The following AKAP6 variants were observed in gnomAD, a reference collection of about 807,000 sequenced individuals.
The protein encoded by AKAP6 is A-kinase anchor protein 6.
In AKAP6, 58 loss-of-function variants were observed where a neutral mutation model predicts 188.5. The observed-to-expected ratio is 0.31, with a 90% CI of 0.25 to 0.38. The LOEUF (loss-of-function observed/expected upper bound fraction) is 0.38. Ranked by LOEUF, AKAP6 falls within the 10% of genes least tolerant of loss-of-function variation. AKAP6 has a pLI of 1.00. For missense variants in AKAP6, 2,710 were observed against 2,740.0 expected, an observed-to-expected ratio of 0.99 and a Z score of 0.24; for synonymous variants, 989 against 998.6, an observed-to-expected ratio of 0.99 and a Z score of 0.18.
At chr14:32,420,909 T>TTGTGTGTGTGTGTG (rs71432053) in intron 1 of AKAP6, among the ~76,000 whole-genome samples, 20,081 of 146,170 alleles carry the variant, frequency 0.14, 1,494 homozygotes, top group East Asian at 0.27. Context: ...GGAGATTGAT[T>TTGTGTGTGTGTGTG]TGTGTGTGTG....
chr14:32,695,953 G>T (rs948986478), intron 8 of AKAP6, 37 bp from the exon 9 acceptor site: 11 of 1,600,552 alleles, frequency 6.9e-6, no homozygotes, highest in African/African-American at 1.3e-5. Flanking sequence ...CAACTACACT[G>T]TATTTATGCA....
intron 12 of AKAP6, among the ~76,000 whole-genome samples, chr14:32,791,684 A>G (rs1428507935): frequency 6.6e-6 from 1 of 151,774 alleles, no homozygotes; most frequent in Non-Finnish European, 1.5e-5. Flanking sequence ...TTTAGTCAGG[A>G]AGTCTTTGCC....
chr14:32,476,808 A>C (rs181603110), intron 2 of AKAP6, among the ~76,000 whole-genome samples: 4 of 152,316 alleles, frequency 2.6e-5, no homozygotes, highest in Admixed American at 2.0e-4. Context: ...TCAGCAGCTC[A>C]CACTTAAGAC....
At chr14:32,613,239 G>T (rs73259189) in intron 7 of AKAP6, among the ~76,000 whole-genome samples, 1 of 152,058 alleles carries the variant, frequency 6.6e-6, no homozygotes, top group Non-Finnish European at 1.5e-5. Context: ...TTGATACCTC[G>T]TGTATATACT....
At chr14:32,786,718 C>G (rs1475956814) in intron 12 of AKAP6, among the ~76,000 whole-genome samples, 2 of 152,102 alleles carry the variant, frequency 1.3e-5, no homozygotes, top group African/African-American at 2.4e-5. Flanking sequence ...AGTCCTATCA[C>G]TGTTTTCTGA....
intron 4 of AKAP6, among the ~76,000 whole-genome samples, chr14:32,561,170 C>G (rs939670018): frequency 1.3e-5 from 2 of 152,042 alleles, no homozygotes; most frequent in Non-Finnish European, 2.9e-5. Context: ...GTTTGTCATG[C>G]CTTTGCTCAG....
At chr14:32,433,178 T>G in intron 1 of AKAP6, 1 of 283,894 alleles carries the variant, frequency 3.5e-6, no homozygotes, top group East Asian at 7.7e-5. Context: ...TATGAACAGC[T>G]AAAAACCAGG....
At chr14:32,820,406 G>A (rs545206920) in intron 12 of AKAP6, among the ~76,000 whole-genome samples, 2 of 152,082 alleles carry the variant, frequency 1.3e-5, no homozygotes, top group African/African-American at 4.8e-5. Context: ...CCCAAAATAT[G>A]TCAAGCTCTA....
intron 7 of AKAP6, among the ~76,000 whole-genome samples, chr14:32,623,946 A>G (rs1353685209): frequency 6.6e-6 from 1 of 152,154 alleles, no homozygotes; most frequent in Non-Finnish European, 1.5e-5. Flanking sequence ...TGGCAGAGTC[A>G]GCAAATGGGT....
intron 9 of AKAP6, among the ~76,000 whole-genome samples, chr14:32,717,469 T>C (rs1005562838): frequency 2.6e-5 from 4 of 152,074 alleles, no homozygotes; most frequent in African/African-American, 9.7e-5. Flanking sequence ...TAGGAATTGT[T>C]TTTCCTATCT....
At chr14:32,428,726 G>A (rs966848043) in intron 1 of AKAP6, among the ~76,000 whole-genome samples, 2 of 152,174 alleles carry the variant, frequency 1.3e-5, no homozygotes, top group African/African-American at 4.8e-5. Context: ...AAATGTGTTT[G>A]TTTATTCAAG....
At chr14:32,745,497 GTCTCTCTC>G (rs368703359) in intron 11 of AKAP6, among the ~76,000 whole-genome samples, 2 of 54,920 alleles carry the variant, frequency 3.6e-5, no homozygotes, top group African/African-American at 6.6e-5. Context: ...CTCTCTCTCT[GTCTCTCTC>G]TCTCTCTCTC....
intron 8 of AKAP6, among the ~76,000 whole-genome samples, chr14:32,683,301 G>A (rs1003954517): frequency 6.6e-6 from 1 of 151,978 alleles, no homozygotes; most frequent in Admixed American, 6.6e-5. Flanking sequence ...GCCCCTCCCA[G>A]GTGAATCTAA....
At chr14:32,745,032 T>G (rs2031837056) in intron 11 of AKAP6, among the ~76,000 whole-genome samples, 1 of 152,164 alleles carries the variant, frequency 6.6e-6, no homozygotes, top group African/African-American at 2.4e-5. Flanking sequence ...CTTTGAGTTT[T>G]TGCAACACAG....
chr14:32,590,725 G>C (rs1885454724), intron 5 of AKAP6, among the ~76,000 whole-genome samples: 1 of 152,118 alleles, frequency 6.6e-6, no homozygotes, highest in Admixed American at 6.5e-5. Context: ...TTTTCAGGAT[G>C]CAATTTATCG....
At chr14:32,390,632 C>T (rs1255010278) in intron 1 of AKAP6, among the ~76,000 whole-genome samples, 1 of 152,094 alleles carries the variant, frequency 6.6e-6, no homozygotes, top group Non-Finnish European at 1.5e-5. Flanking sequence ...CTGGATCTAG[C>T]CAGCCAGCAA....
intron 1 of AKAP6, among the ~76,000 whole-genome samples, chr14:32,419,122 G>T (rs1363915595): frequency 6.6e-6 from 1 of 152,124 alleles, no homozygotes; most frequent in African/African-American, 2.4e-5. Context: ...GAAAATATTT[G>T]AAATAATAGG....
At chr14:32,424,794 A>G (rs995752004) in intron 1 of AKAP6, among the ~76,000 whole-genome samples, 3 of 151,540 alleles carry the variant, frequency 2.0e-5, no homozygotes, top group Non-Finnish European at 4.4e-5. Context: ...AAGGATAATG[A>G]CCTCCAGCTC....
intron 1 of AKAP6, among the ~76,000 whole-genome samples, chr14:32,425,683 AT>A (rs746064657): frequency 3.0e-4 from 45 of 152,074 alleles, no homozygotes; most frequent in Non-Finnish European, 6.3e-4. Flanking sequence ...TCCTTTGCTC[AT>A]TTTTAATGGG....
Sources: gnomAD v4.1 joint callset for allele counts (sites outside exome capture counted in the v4.1 genomes callset) on GRCh38, gnomAD v4.1.1 for gene constraint, MANE v1.5 for transcripts, NCBI Gene and HGNC (gene_info 2026-07-23, HGNC 2026-07-21) for gene names.